MACROD2: variants seen among roughly 807,000 people sequenced by gnomAD.
The protein encoded by MACROD2 is mono-ADP ribosylhydrolase 2, also known as ADP-ribose glycohydrolase MACROD2.
A neutral mutation model predicts 70.4 loss-of-function variants in MACROD2; 36 were observed. The ratio of observed to expected loss-of-function variants is 0.51; its 90% CI spans 0.39 to 0.68. The LOEUF is 0.68. MACROD2 is among the 30% of genes least tolerant of loss of function. The pLI is 0.00. For missense variants in MACROD2, 496 were observed against 538.4 expected (o/e 0.92, Z 0.78); for synonymous variants, 172 against 178.8 (o/e 0.96, Z 0.30).
At chr20:14,350,077 G>T (rs1019548030) in intron 3 of MACROD2, among the ~76,000 whole-genome samples, 1 of 151,890 alleles carries the variant, frequency 6.6e-6, no homozygotes, top group African/African-American at 2.4e-5. Flanking sequence ...TTGTTTGGCT[G>T]CATAGTACTC....
At chr20:14,563,360 GAAA>G (rs1421271229) in intron 4 of MACROD2, among the ~76,000 whole-genome samples, 2 of 151,886 alleles carry the variant, frequency 1.3e-5, no homozygotes, top group Non-Finnish European at 2.9e-5. Context: ...TTTAGATCTA[GAAA>G]AATGTCTTCA....
chr20:15,820,255 GCA>G (rs2063925264), intron 8 of MACROD2, among the ~76,000 whole-genome samples: 1 of 152,036 alleles, frequency 6.6e-6, no homozygotes, highest in East Asian at 1.9e-4. Flanking sequence ...AAGTGTAGTG[GCA>G]CAGTCTCACT....
chr20:14,934,852 G>A, intron 5 of MACROD2: 1 of 152,092 alleles, frequency 6.6e-6, no homozygotes, highest in Non-Finnish European at 1.5e-5. Flanking sequence ...CTCTCTGGAG[G>A]AGGAGATTTA....
At chr20:15,948,380 T>A (rs2065855067) in intron 12 of MACROD2, among the ~76,000 whole-genome samples, 1 of 20,968 alleles carries the variant, frequency 4.8e-5, no homozygotes, top group South Asian at 1.5e-3. Context: ...ATCTTGCAAC[T>A]GCAAAAAAAA....
intron 8 of MACROD2, among the ~76,000 whole-genome samples, chr20:15,577,352 A>C (rs1226517384): frequency 2.0e-5 from 3 of 152,156 alleles, no homozygotes; most frequent in African/African-American, 7.2e-5. Context: ...AGTATTTTCA[A>C]ACAAATCCAA....
At chr20:14,859,724 C>T (rs1181397989) in intron 5 of MACROD2, among the ~76,000 whole-genome samples, 3 of 151,942 alleles carry the variant, frequency 2.0e-5, no homozygotes, top group African/African-American at 7.3e-5. Flanking sequence ...AAATGTTATC[C>T]ATTTTTCCAA....
intron 4 of MACROD2, among the ~76,000 whole-genome samples, chr20:14,620,180 A>G (rs1983748468): frequency 1.3e-5 from 2 of 151,794 alleles, no homozygotes; most frequent in Admixed American, 6.6e-5. Context: ...TGGCCAGTGA[A>G]GTGTGCATAA....
At chr20:15,652,065 G>A (rs1404609928) in intron 8 of MACROD2, among the ~76,000 whole-genome samples, 2 of 152,078 alleles carry the variant, frequency 1.3e-5, no homozygotes, top group African/African-American at 4.8e-5. Context: ...ACTTGGCCCA[G>A]AACCTTGCTC....
chr20:15,065,521 G>A lies in MACROD2; in HGVS notation c.419-164419G>A, dbSNP rs1422733132. ...ATACAAAAAATTAGCCAGGCTCGGT[G>A]GCAGCGGCTGTAGTCCCAGCTACTC... On this transcript the variant is annotated intron_variant, in intron 5 of 17. Coordinates refer to ENST00000684519, the MANE Select transcript of MACROD2 (RefSeq NM_001351661.2). Among the ~76,000 whole-genome samples the A allele has an allele frequency of 2.0e-5, 3 of 152,040 alleles. No individual in the cohort carries two copies. In the East Asian group the frequency reaches 5.8e-4, roughly 30 times the overall value.
At chr20:14,863,553 T>C (rs1274496294) in intron 5 of MACROD2, among the ~76,000 whole-genome samples, 1 of 152,084 alleles carries the variant, frequency 6.6e-6, no homozygotes, top group African/African-American at 2.4e-5. Flanking sequence ...GTGAAAGTCT[T>C]TGGGTGTGGA....
chr20:15,794,366 A>G (rs2063653524), intron 8 of MACROD2, among the ~76,000 whole-genome samples: 1 of 152,214 alleles, frequency 6.6e-6, no homozygotes, highest in South Asian at 2.1e-4. Flanking sequence ...TAACACATAC[A>G]AACAAATATG....
At chr20:14,467,351 T>C (rs1384194938) in intron 3 of MACROD2, among the ~76,000 whole-genome samples, 2 of 152,050 alleles carry the variant, frequency 1.3e-5, no homozygotes, top group African/African-American at 4.8e-5. Flanking sequence ...CGGGATATAA[T>C]CTCCTGGTGT....
chr20:15,785,908 T>C lies in MACROD2; in HGVS notation c.646-76837T>C, dbSNP rs566124164. Reference sequence around the variant, plus strand: ...GATATTAATATAAAGCAGATGGACATCATATATCACAGAAATAATACCCAA... The same window carrying C: ...GATATTAATATAAAGCAGATGGACACCATATATCACAGAAATAATACCCAA... On this transcript the variant is annotated intron_variant, in intron 8 of 17. Coordinates refer to ENST00000684519, the MANE Select transcript of MACROD2 (RefSeq NM_001351661.2). Among the ~76,000 whole-genome samples, 30 of 152,242 alleles carry C rather than the reference T, an allele frequency of 2.0e-4. 1 individual carries two copies. Among genetic ancestry groups the C allele is most frequent in the Non-Finnish European group, 3.2e-4 (22 of 68,006 alleles).
intron 13 of MACROD2, among the ~76,000 whole-genome samples, chr20:15,980,315 T>C (rs541961346): frequency 2.0e-5 from 3 of 152,316 alleles, no homozygotes; most frequent in South Asian, 2.1e-4. Context: ...TAAAACAATA[T>C]AAAGCGATAT....
intron 5 of MACROD2, among the ~76,000 whole-genome samples, chr20:14,862,664 T>C (rs545324451): frequency 6.6e-5 from 3 of 45,370 alleles, no homozygotes; most frequent in Non-Finnish European, 1.1e-4. Context: ...TAAATATATA[T>C]ATAAATATAT....
chr20:14,132,712 A>G (rs192583848), intron 3 of MACROD2, among the ~76,000 whole-genome samples: 2 of 151,782 alleles, frequency 1.3e-5, no homozygotes, highest in East Asian at 3.9e-4. Context: ...ATCTTAGCTC[A>G]CTTCAGCCTT....
chr20:15,858,716 A>G (rs1297475276), intron 8 of MACROD2, among the ~76,000 whole-genome samples: 3 of 152,188 alleles, frequency 2.0e-5, no homozygotes, highest in African/African-American at 7.2e-5. Flanking sequence ...ACTTTCAGTG[A>G]GGGTAGTTGG....
chr20:14,340,560 G>GAA (rs397813769), intron 3 of MACROD2, among the ~76,000 whole-genome samples: 1 of 151,614 alleles, frequency 6.6e-6, no homozygotes, highest in African/African-American at 2.4e-5. Flanking sequence ...GTGGAAAAGA[G>GAA]GAATAGAAGA....
intron 6 of MACROD2, among the ~76,000 whole-genome samples, chr20:15,234,225 G>A (rs913868579): frequency 2.7e-5 from 4 of 146,208 alleles, no homozygotes; most frequent in African/African-American, 1.0e-4. Context: ...GTAGAGACGG[G>A]GTTTCACCGT....
Sources: allele counts gnomAD v4.1 joint callset (sites outside exome capture counted in the v4.1 genomes callset), GRCh38; gene constraint gnomAD v4.1.1; transcripts MANE v1.5; gene names NCBI Gene and HGNC (gene_info 2026-07-23, HGNC 2026-07-21).